Variants in FMN1 observed in about 807,000 individuals in gnomAD.
FMN1 encodes the protein formin-1.
Under a neutral mutation model 132.4 loss-of-function variants are expected in FMN1, and 110 were observed. The ratio of observed to expected loss-of-function variants is 0.83; its 90% CI spans 0.71 to 0.97. The LOEUF is 0.97. Among genes scored for constraint, FMN1 ranks in the 50% least tolerant of loss-of-function variants. FMN1 has a pLI of 0.00. For missense variants in FMN1, 1,792 were observed against 1,705.3 expected (o/e 1.05, Z -0.90); for synonymous variants, 722 against 651.7 (o/e 1.11, Z -1.64).
chr15:33,050,257 G>T (rs2141171792), intron 6 of FMN1, among the ~76,000 whole-genome samples: 1 of 152,226 alleles, frequency 6.6e-6, no homozygotes, highest in African/African-American at 2.4e-5. Flanking sequence ...TATACATATT[G>T]TTAAACTTTA....
chr15:32,888,354 C>A, intron 15 of FMN1, 62 bp from the exon 16 acceptor site: 2 of 1,446,956 alleles, frequency 1.4e-6, no homozygotes, highest in East Asian at 2.3e-5. Flanking sequence ...AGTTGAAATT[C>A]CAAAGCATCA....
At chr15:32,981,812 A>G (rs1219259018) in intron 7 of FMN1, among the ~76,000 whole-genome samples, 2 of 152,120 alleles carry the variant, frequency 1.3e-5, no homozygotes, top group Non-Finnish European at 2.9e-5. Context: ...ATCAAAACAC[A>G]ATATTGCACA....
intron 18 of FMN1, among the ~76,000 whole-genome samples, chr15:32,799,296 T>C (rs1156309936): frequency 1.3e-5 from 2 of 152,170 alleles, no homozygotes; most frequent in African/African-American, 4.8e-5. Flanking sequence ...GTTTAGTGAT[T>C]ACATGCAAGG....
chr15:32,873,594 T>G (rs2059566787), intron 16 of FMN1, among the ~76,000 whole-genome samples: 1 of 151,882 alleles, frequency 6.6e-6, no homozygotes, highest in Non-Finnish European at 1.5e-5. Flanking sequence ...TGGTTATACG[T>G]AAAGTGAGTG....
chr15:33,008,664 T>C (rs530335972), intron 6 of FMN1, among the ~76,000 whole-genome samples: 2 of 152,196 alleles, frequency 1.3e-5, no homozygotes, highest in Non-Finnish European at 2.9e-5. Context: ...CCAATTTTAA[T>C]ATGAGTCTAA....
chr15:32,789,158 G>C (rs1220124444), intron 19 of FMN1, among the ~76,000 whole-genome samples: 1 of 152,158 alleles, frequency 6.6e-6, no homozygotes, highest in Non-Finnish European at 1.5e-5. Context: ...AGGTGCTACA[G>C]AGAAAACAAA....
intron 12 of FMN1, among the ~76,000 whole-genome samples, chr15:32,902,764 T>G (rs347922): frequency 0.44 from 66,934 of 151,910 alleles, 15,757 homozygotes; most frequent in African/African-American, 0.61. Flanking sequence ...GTTGGGCACT[T>G]GTTCCCTTTG....
At chr15:32,974,840 A>C (rs543896056) in intron 7 of FMN1, among the ~76,000 whole-genome samples, 1 of 152,340 alleles carries the variant, frequency 6.6e-6, no homozygotes, top group South Asian at 2.1e-4. Context: ...GTTATTTGGT[A>C]AAGTCCCTTT....
At chr15:32,938,174 G>C (rs189357217) in intron 9 of FMN1, among the ~76,000 whole-genome samples, 2 of 152,064 alleles carry the variant, frequency 1.3e-5, no homozygotes, top group Admixed American at 1.3e-4. Flanking sequence ...TGCAGGCAGA[G>C]CCATTTCTAA....
intron 6 of FMN1, among the ~76,000 whole-genome samples, chr15:33,043,459 C>T (rs892915697): frequency 2.0e-5 from 3 of 152,210 alleles, no homozygotes; most frequent in Admixed American, 6.5e-5. Context: ...TGCCTTTTGC[C>T]GTCTATAACT....
chr15:33,042,051 C>T (rs895762636), intron 6 of FMN1, among the ~76,000 whole-genome samples: 1 of 151,858 alleles, frequency 6.6e-6, no homozygotes, highest in African/African-American at 2.4e-5. Context: ...AAATCCAATG[C>T]TCTCCATTGA....
At chr15:33,067,209 T>G in intron 5 of FMN1, 1 of 1,613,582 alleles carries the variant, frequency 6.2e-7, no homozygotes, top group Non-Finnish European at 8.5e-7. Context: ...CGACGCTCTG[T>G]CTGAAGACCA....
At chr15:32,865,730 G>A (rs2059375981) in intron 16 of FMN1, among the ~76,000 whole-genome samples, 4 of 151,948 alleles carry the variant, frequency 2.6e-5, no homozygotes, top group Admixed American at 2.6e-4. Context: ...CAGCTACTCA[G>A]GAGGCTGAGG....
rs561075430 is a variant in FMN1, at chr15:33,102,085, G to T, written c.1868-13111C>A. Among the ~76,000 whole-genome samples, 5 of 152,024 alleles carry T rather than the reference G, an allele frequency of 3.3e-5. No homozygotes were observed. The South Asian group carries it at 1.0e-3, about 32-fold the overall frequency. On this transcript the variant is annotated intron_variant, in intron 4 of 20. Coordinates refer to ENST00000616417, the MANE Select transcript of FMN1 (RefSeq NM_001277313.2). Reference sequence around the variant, plus strand: ...TTATCTCCCCTTTTCTATTCTTTTGGGTGTACTCTGTACATGTATGATACT... The same window carrying T: ...TTATCTCCCCTTTTCTATTCTTTTGTGTGTACTCTGTACATGTATGATACT...
At chr15:33,052,064 G>A (rs560970094) in intron 6 of FMN1, among the ~76,000 whole-genome samples, 28 of 152,212 alleles carry the variant, frequency 1.8e-4, no homozygotes, top group Non-Finnish European at 2.4e-4. Context: ...AATTGAGGCC[G>A]ATGCTAACAC....
chr15:32,803,367 A>G (rs897755578), intron 18 of FMN1, among the ~76,000 whole-genome samples: 1 of 152,202 alleles, frequency 6.6e-6, no homozygotes, highest in African/African-American at 2.4e-5. Flanking sequence ...GGAGAGCCAC[A>G]CTGACTAACC....
chr15:32,797,575 C>T (rs1204574554), intron 19 of FMN1, among the ~76,000 whole-genome samples: 1 of 152,152 alleles, frequency 6.6e-6, no homozygotes, highest in Non-Finnish European at 1.5e-5. Context: ...TATCAACGAC[C>T]TATTTTCTCA....
intron 4 of FMN1, among the ~76,000 whole-genome samples, chr15:33,106,698 T>A (rs929775823): frequency 4.6e-5 from 7 of 152,088 alleles, no homozygotes; most frequent in African/African-American, 1.7e-4. Context: ...CTGTTTTCTG[T>A]GGGAGGATGA....
chr15:32,913,700 G>C (rs1450081792), intron 10 of FMN1, among the ~76,000 whole-genome samples: 1 of 152,172 alleles, frequency 6.6e-6, no homozygotes, highest in Non-Finnish European at 1.5e-5. Flanking sequence ...TTAAGAATCT[G>C]TGGTATGTTG....
Sources: allele counts gnomAD v4.1 joint callset (sites outside exome capture counted in the v4.1 genomes callset), GRCh38; gene constraint gnomAD v4.1.1; transcripts MANE v1.5; gene names NCBI Gene and HGNC (gene_info 2026-07-23, HGNC 2026-07-21).